GABRA5: variants seen among roughly 807,000 people sequenced by gnomAD.
GABRA5 encodes the protein gamma-aminobutyric acid type A receptor subunit alpha5, also known as gamma-aminobutyric acid receptor subunit alpha-5.
A neutral mutation model predicts 47.3 loss-of-function variants in GABRA5; 18 were observed. The observed-to-expected ratio is 0.38, with a 90% CI of 0.26 to 0.56. GABRA5 has a LOEUF of 0.56. GABRA5 is among the 20% of genes least tolerant of loss of function. The pLI is 0.71. For missense variants in GABRA5, 365 were observed against 599.3 expected, an observed-to-expected ratio of 0.61 and a Z score of 4.08; for synonymous variants, 237 against 229.3, an observed-to-expected ratio of 1.03 and a Z score of -0.30.
intron 6 of GABRA5, among the ~76,000 whole-genome samples, chr15:26,885,345 G>GGGGCGTGA (rs1478977934): frequency 6.7e-6 from 1 of 149,986 alleles, no homozygotes; most frequent in Non-Finnish European, 1.5e-5. Flanking sequence ...AGAGATGTGG[G>GGGGCGTGA]GGGCGTGAGC....
chr15:26,937,460 C>A, intron 8 of GABRA5, 132 bp downstream of exon 8: 1 of 944,138 alleles, frequency 1.1e-6, no homozygotes, highest in Non-Finnish European at 1.5e-6. Flanking sequence ...ACAACCTGTC[C>A]TGGCCAGCTG....
At chr15:26,934,226 T>C (rs374394861) in intron 7 of GABRA5, among the ~76,000 whole-genome samples, 3 of 133,924 alleles carry the variant, frequency 2.2e-5, no homozygotes, top group Non-Finnish European at 4.6e-5. Context: ...CACTCCAGCC[T>C]GGGTGATAGA....
intron 6 of GABRA5, among the ~76,000 whole-genome samples, chr15:26,895,794 G>C (rs1337281956): frequency 1.5e-5 from 2 of 132,674 alleles, no homozygotes; most frequent in Non-Finnish European, 3.1e-5. Flanking sequence ...CAGCCTGGGC[G>C]ACAGAGCAAG....
At position 26,869,152 on chromosome 15, in the gene GABRA5, T is replaced by C. The variant is rs1284705772; in HGVS notation, c.-74-23T>C. 7.7e-6 allele frequency: 6 copies of C among 780,372 alleles called. No homozygotes were observed. The East Asian group carries it at 1.5e-4, about 19-fold the overall frequency. 48.3% of individuals were successfully genotyped at this position (780,372 alleles called of 1,614,324 possible). A position where few individuals can be genotyped will look rare whatever the true frequency, so the allele number is the denominator to read the frequency against. ...ACAACAGCATTGATGTTCACGTGCT[T>C]CCCCGCTTTGTGTGCTTTTCAGCTT... On this transcript the variant is annotated intron_variant, in intron 2 of 10. Transcript: ENST00000335625.
chr15:26,883,610 G>T lies in GABRA5; in HGVS notation c.497+53G>T. On this transcript the variant is annotated intron_variant, in intron 6 of 10. Coordinates refer to ENST00000335625, the MANE Select transcript of GABRA5 (RefSeq NM_000810.4). This position sits in a 1 kb window ranked among gnomAD's most constrained non-coding sequence, Gnocchi z 4.8. The stretch of plus-strand genomic sequence containing the variant: ...CCGGGGGACGGTGCGGGGCAGGCGC[G>T]GCTGCCCATCCTGCCGCAAGAGCTG... 7.3e-7 allele frequency: 1 copy of T among 1,374,420 alleles called. No homozygotes were observed. Among genetic ancestry groups the T allele is most frequent in the Admixed American group, 2.5e-5 (1 of 40,520 alleles). 85.1% of individuals were successfully genotyped at this position (1,374,420 alleles called of 1,614,324 possible). A position where few individuals can be genotyped will look rare whatever the true frequency, so the allele number is the denominator to read the frequency against.
intron 10 of GABRA5, among the ~76,000 whole-genome samples, chr15:26,946,363 T>C (rs1049085717): frequency 6.6e-6 from 1 of 152,082 alleles, no homozygotes; most frequent in Non-Finnish European, 1.5e-5. Context: ...CACTTACGTA[T>C]GCCTGTGTCC....
Position 26,871,194 on chromosome 15 carries a change from AAAAAC to A in GABRA5, c.86+1884_86+1888del, listed in dbSNP as rs544445949. Among the ~76,000 whole-genome samples the A allele has an allele frequency of 3.8e-3, 574 of 152,326 alleles. 3 individuals carry two copies. Among genetic ancestry groups the A allele is most frequent in the African/African-American group, 0.012 (506 of 41,556 alleles). Reference sequence around the variant, plus strand: ...GGGCGACAGAGCAAGACTTTGTCTCAAAAACAAAACAAAACAAAACAAAACAAACA... The same window carrying A: ...GGGCGACAGAGCAAGACTTTGTCTCAAAAACAAAACAAAACAAAACAAACA... On this transcript the variant is annotated intron_variant, in intron 3 of 10. Transcript: ENST00000335625.
At chr15:26,932,892 A>G (rs1894142335) in intron 7 of GABRA5, among the ~76,000 whole-genome samples, 2 of 152,216 alleles carry the variant, frequency 1.3e-5, no homozygotes, top group Non-Finnish European at 2.9e-5. Context: ...GGGAGCTAGA[A>G]CAATGAGAAC....
At chr15:26,874,099 G>A (rs1366777305) in intron 3 of GABRA5, among the ~76,000 whole-genome samples, 1 of 152,218 alleles carries the variant, frequency 6.6e-6, no homozygotes, top group Non-Finnish European at 1.5e-5. Context: ...CCTTCAAGGG[G>A]AGAAGGAGCA....
Position 26,948,000 on chromosome 15 carries a change from C to G in GABRA5, c.1156C>G (p.Pro386Ala), listed in dbSNP as rs1358774103. The G allele has an allele frequency of 3.1e-6, 5 of 1,599,670 alleles. No homozygotes were observed. Among genetic ancestry groups the G allele is most frequent in the Admixed American group, 3.5e-5 (2 of 57,718 alleles). The change falls in exon 11 of 11, where the codon CCA becomes GCA. Residue 386 changes from proline (P) to alanine (A), a missense_variant. By Grantham distance (27) the Pro-to-Ala change is conservative (BLOSUM62 -1). This residue lies in a region of GABRA5 where 106 missense variants were observed against 130.3 expected (regional missense o/e 0.81). Transcript: ENST00000335625. ...AFTTGKMSHP[P>A]NIPKEQTPAG... ...TACAACTGGGAAGATGTCTCACCCCCCAAACATTCCGAAGGAACAGACCCC... is the reference window on the plus strand; with the variant it reads ...TACAACTGGGAAGATGTCTCACCCCGCAAACATTCCGAAGGAACAGACCCC...
chr15:26,897,696 C>A lies in GABRA5; in HGVS notation c.497+14139C>A, dbSNP rs570578484. On this transcript the variant is annotated intron_variant, in intron 6 of 10. Transcript: ENST00000335625. ...TTTCAGGATTCAAATGTCTTTTAAT[C>A]ATAGAGAGGGTGGAACAAGATGCCT... Among the ~76,000 whole-genome samples, 5 of 152,290 alleles carry A rather than the reference C, an allele frequency of 3.3e-5. No individual in the cohort carries two copies. The South Asian group carries it at 1.0e-3, about 32-fold the overall frequency.
At chr15:26,935,464 G>A (rs996389179) in intron 7 of GABRA5, among the ~76,000 whole-genome samples, 2 of 152,202 alleles carry the variant, frequency 1.3e-5, no homozygotes, top group Admixed American at 1.3e-4. Flanking sequence ...CTTGCACCCA[G>A]CGAGGCCTCA....
intron 6 of GABRA5, among the ~76,000 whole-genome samples, chr15:26,885,240 A>G (rs978925434): frequency 3.3e-5 from 5 of 150,884 alleles, no homozygotes; most frequent in African/African-American, 4.9e-5. Context: ...CGGAGCTTGC[A>G]GTGAGCCCAG....
At chr15:26,944,642 C>T (rs1274579563) in intron 10 of GABRA5, among the ~76,000 whole-genome samples, 6 of 152,176 alleles carry the variant, frequency 3.9e-5, no homozygotes, top group African/African-American at 7.2e-5. Flanking sequence ...TTGGCCGACA[C>T]GTTTGAACTT....
intron 6 of GABRA5, among the ~76,000 whole-genome samples, chr15:26,912,125 C>G (rs368699109): frequency 6.6e-6 from 1 of 152,160 alleles, no homozygotes; most frequent in Non-Finnish European, 1.5e-5. Context: ...CACAGGCGAT[C>G]GCAAAGCATG....
chr15:26,887,256 T>C (rs958126075), intron 6 of GABRA5, among the ~76,000 whole-genome samples: 8 of 152,352 alleles, frequency 5.3e-5, no homozygotes, highest in African/African-American at 1.9e-4. Context: ...TTTAATTTTT[T>C]TTCAGATGTT....
chr15:26,882,804 G>C (rs535641750), intron 4 of GABRA5, among the ~76,000 whole-genome samples: 2 of 152,184 alleles, frequency 1.3e-5, no homozygotes, highest in South Asian at 4.2e-4. Context: ...GCGTGGCCCT[G>C]AGCTGCCAGG....
chr15:26,946,668 C>T (rs989586454), intron 10 of GABRA5, among the ~76,000 whole-genome samples: 2 of 152,056 alleles, frequency 1.3e-5, no homozygotes, highest in Non-Finnish European at 2.9e-5. Context: ...AGGACATCAC[C>T]AGCCTCCAGA....
intron 6 of GABRA5, among the ~76,000 whole-genome samples, chr15:26,906,127 T>TTTTGTTTG (rs71285063): frequency 0.51 from 77,798 of 151,082 alleles, 20,125 homozygotes; most frequent in Middle Eastern, 0.56. Context: ...CCATAGTGGT[T>TTTTGTTTG]TTTGTTTGTT....
Sources: gnomAD v4.1 joint callset for allele counts (sites outside exome capture counted in the v4.1 genomes callset) on GRCh38, gnomAD v4.1.1 for gene constraint, gnomAD v4.1.1 regional missense constraint, Gnocchi (gnomAD v3.1) non-coding constraint, MANE v1.5 for transcripts, NCBI Gene and HGNC (gene_info 2026-07-23, HGNC 2026-07-21) for gene names.